Variants in GNA13 observed in about 807,000 individuals in gnomAD.
GNA13 encodes G protein subunit alpha 13, also known as guanine nucleotide-binding protein subunit alpha-13.
GNA13 carries 4 observed loss-of-function variants against 33.5 expected under a neutral mutation model. The ratio of observed to expected loss-of-function variants is 0.12; its 90% CI spans 0.06 to 0.27. The LOEUF (loss-of-function observed/expected upper bound fraction) is 0.27, where lower values mean the gene tolerates loss of function less well. Among genes scored for constraint, GNA13 ranks in the 10% least tolerant of loss-of-function variants. The pLI is 1.00. For synonymous variants in GNA13, 176 were observed against 183.8 expected (o/e 0.96, Z 0.34); for missense variants, 319 against 487.2 (o/e 0.65, Z 3.25).
intron 2 of GNA13, among the ~76,000 whole-genome samples, chr17:65,034,849 G>A (rs1369934538): frequency 6.6e-6 from 1 of 152,012 alleles, no homozygotes; most frequent in African/African-American, 2.4e-5. Context: ...GCAATGGCAC[G>A]ATCTCAGCTC....
chr17:65,034,012 CAAAAAAAAAAAA>C lies in GNA13; in HGVS notation c.511-15721_511-15710del, dbSNP rs780895691. Among the ~76,000 whole-genome samples the C allele has an allele frequency of 2.4e-4, 12 of 50,090 alleles. 1 individual carries two copies. The East Asian group carries it at 2.7e-3, about 11-fold the overall frequency. 32.9% of individuals were successfully genotyped at this position (50,090 alleles called of 152,430 possible). On this transcript the variant is annotated intron_variant, in intron 2 of 3. Transcript: ENST00000439174. ...TGGGCAACAGAGCAGGACTCCGTCT[CAAAAAAAAAAAA>C]AAAAAAAAAAAAAATCCAAAAGAAC...
chr17:65,056,543 G>A lies in GNA13; in HGVS notation c.51C>T (p.Gly17=), dbSNP rs1469980408. ...SRSVLSVCFP[G]CLLTSGEAEQ... is the part of the protein sequence containing the mutation. ...CGGCCTCGCCACTCGTCAGCAGGCAGCCGGGGAAGCACACGGACAGCACGG... is the reference window on the plus strand; with the variant it reads ...CGGCCTCGCCACTCGTCAGCAGGCAACCGGGGAAGCACACGGACAGCACGG... The change falls in exon 1 of 4, where the codon GGC becomes GGT. Residue 17 remains glycine (G), a synonymous_variant. Transcript: ENST00000439174. 4 of 1,612,638 alleles carry A rather than the reference G, an allele frequency of 2.5e-6. No individual in the cohort carries two copies. The highest frequency in any genetic ancestry group is 3.4e-6 in the Non-Finnish European group (4 of 1,179,778).
intron 2 of GNA13, among the ~76,000 whole-genome samples, chr17:65,025,665 C>T (rs1275241153): frequency 6.6e-6 from 1 of 151,980 alleles, no homozygotes; most frequent in Non-Finnish European, 1.5e-5. Flanking sequence ...GGTAAATAAG[C>T]AATTAAAAAT....
intron 2 of GNA13, among the ~76,000 whole-genome samples, chr17:65,025,991 C>T (rs892674342): frequency 6.6e-6 from 1 of 151,612 alleles, no homozygotes; most frequent in Non-Finnish European, 1.5e-5. Flanking sequence ...AAAAAAACTG[C>T]ACTATGATGA....
chr17:65,045,709 A>G (rs946764502), intron 2 of GNA13, among the ~76,000 whole-genome samples: 5 of 152,188 alleles, frequency 3.3e-5, no homozygotes, highest in Admixed American at 3.3e-4. Context: ...CGTTACTATA[A>G]TAAAGAAAGA....
chr17:65,043,895 G>A (rs544173839), intron 2 of GNA13, among the ~76,000 whole-genome samples: 1 of 152,238 alleles, frequency 6.6e-6, no homozygotes, highest in Non-Finnish European at 1.5e-5. Context: ...GCCAAGATGG[G>A]AGAATCATTT....
Position 65,018,260 on chromosome 17 carries a change from C to G in GNA13, c.554G>C (p.Gly185Ala), listed in dbSNP as rs1483165501. 7.2e-6 allele frequency: 11 copies of G among 1,520,796 alleles called. No individual in the cohort carries two copies. Among genetic ancestry groups the G allele is most frequent in the Non-Finnish European group, 1.0e-5 (11 of 1,095,298 alleles). 94.2% of individuals were successfully genotyped at this position (1,520,796 alleles called of 1,614,324 possible). A position where few individuals can be genotyped will look rare whatever the true frequency, so the allele number is the denominator to read the frequency against. Reference protein sequence around the residue: ...KYFLDNLDKLGEPDYIPSQQD... With the variant: ...KYFLDNLDKLAEPDYIPSQQD... ...TTTGGTTTAAACACTTACTGGTTCT[C>G]CAAGTTTATCCAAGTTATCCAGGAA... The change falls in exon 3 of 4, where the codon GGA (glycine) becomes GCA (alanine). Residue 185 changes from glycine (G) to alanine (A), a missense_variant. Transcript: ENST00000439174.
intron 2 of GNA13, among the ~76,000 whole-genome samples, chr17:65,031,643 A>G (rs1284080609): frequency 6.6e-6 from 1 of 152,222 alleles, no homozygotes; most frequent in Non-Finnish European, 1.5e-5. Context: ...TTATAATCCC[A>G]AAACAAATCC....
intron 1 of GNA13, 135 bp from the exon 2 acceptor site, chr17:65,053,863 C>G (rs566798924): frequency 6.6e-6 from 4 of 608,348 alleles, no homozygotes; most frequent in African/African-American, 5.5e-5. Flanking sequence ...AGACCAACAT[C>G]GAAAACAAAT....
Position 65,052,004 on chromosome 17 carries a change from G to A in GNA13, c.510+1498C>T, listed in dbSNP as rs781284533. ...GGTGTCAGTTTTATAAAAAGCTATCGTGAACACTTTCCTGGAACTTTTAAA... is the reference window on the plus strand; with the variant it reads ...GGTGTCAGTTTTATAAAAAGCTATCATGAACACTTTCCTGGAACTTTTAAA... On this transcript the variant is annotated intron_variant, in intron 2 of 3. Coordinates refer to ENST00000439174, the MANE Select transcript of GNA13 (RefSeq NM_006572.6). 5 of 152,334 alleles carry A rather than the reference G, an allele frequency of 3.3e-5. 1 individual carries two copies. The highest frequency in any genetic ancestry group is 4.1e-4 in the South Asian group (2 of 4,826). 9.4% of individuals were successfully genotyped at this position (152,334 alleles called of 1,614,324 possible).
chr17:65,011,340 G>A lies in GNA13; in HGVS notation c.*2917C>T, dbSNP rs1906181405. On this transcript the variant is annotated 3_prime_UTR_variant, in exon 4 of 4. Coordinates refer to ENST00000439174, the MANE Select transcript of GNA13 (RefSeq NM_006572.6). ...AAAAGAAAATAAGACAAAAGTGAAT[G>A]AGTTTTTTCATTCCATATTGCTTTC... 1 of 196,928 alleles carries A rather than the reference G, an allele frequency of 5.1e-6. No homozygotes were observed. The highest frequency in any genetic ancestry group is 2.3e-5 in the African/African-American group (1 of 43,282). The allele number at this position is 196,928 out of a possible 1,614,324, so 12.2% of individuals were successfully genotyped here.
At chr17:65,023,251 T>C (rs916064190) in intron 2 of GNA13, among the ~76,000 whole-genome samples, 3 of 152,240 alleles carry the variant, frequency 2.0e-5, no homozygotes, top group Non-Finnish European at 4.4e-5. Flanking sequence ...AGCATGTACC[T>C]TGTGGGAAAC....
At chr17:65,038,402 CAAAA>C (rs78958162) in intron 2 of GNA13, among the ~76,000 whole-genome samples, 183 of 147,830 alleles carry the variant, frequency 1.2e-3, no homozygotes, top group Non-Finnish European at 2.1e-3. Context: ...GACACCATCT[CAAAA>C]AAAAAAAAAA....
At position 65,056,651 on chromosome 17, in the gene GNA13, C is replaced by A; in HGVS notation, c.-58G>T. The A allele has an allele frequency of 7.1e-7, 1 of 1,417,560 alleles. No individual in the cohort carries two copies. The highest frequency in any genetic ancestry group is 9.4e-7 in the Non-Finnish European group (1 of 1,061,524). 87.8% of individuals were successfully genotyped at this position (1,417,560 alleles called of 1,614,324 possible). On this transcript the variant is annotated 5_prime_UTR_variant, in exon 1 of 4. Transcript: ENST00000439174. ...CTCCGGCTCCCTCCACCTCCTCCTC[C>A]GGCGGCGGGCGGCTCCGGCACCGAG... is the stretch of plus-strand genomic sequence containing the variant.
intron 3 of GNA13, among the ~76,000 whole-genome samples, chr17:65,015,829 G>GCTATATTACATGTGTGAAAAATC (rs1196321389): frequency 7.2e-5 from 11 of 152,176 alleles, no homozygotes; most frequent in Middle Eastern, 3.4e-3. Flanking sequence ...TTTCATTGCT[G>GCTATATTACATGTGTGAAAAATC]CTATATTACA....
intron 2 of GNA13, among the ~76,000 whole-genome samples, chr17:65,042,251 G>A (rs947053590): frequency 8.6e-5 from 13 of 151,668 alleles, no homozygotes; most frequent in African/African-American, 2.7e-4. Flanking sequence ...CCAGCTACTC[G>A]GGAGCCTGAG....
Position 65,056,704 on chromosome 17 carries a change from C to G in GNA13, c.-111G>C, listed in dbSNP as rs1474395729. ...TCGAGGGCGGGGAGCGCGGCGGCGG[C>G]CCGAGCGCGCCCAGGGAGGGAGGGA... On this transcript the variant is annotated 5_prime_UTR_variant, in exon 1 of 4. Transcript: ENST00000439174. 1 of 700,718 alleles carries G rather than the reference C, an allele frequency of 1.4e-6. No homozygotes were observed. Among genetic ancestry groups the G allele is most frequent in the African/African-American group, 1.9e-5 (1 of 52,472 alleles). 43.4% of individuals were successfully genotyped at this position (700,718 alleles called of 1,614,324 possible). A position where few individuals can be genotyped will look rare whatever the true frequency, so the allele number is the denominator to read the frequency against.
intron 2 of GNA13, among the ~76,000 whole-genome samples, chr17:65,044,014 C>T (rs1010396917): frequency 1.3e-5 from 2 of 152,020 alleles, no homozygotes; most frequent in African/African-American, 4.8e-5. Flanking sequence ...CTCAGCTACT[C>T]GGGAGATTGA....
At chr17:65,023,435 G>T (rs1906661609) in intron 2 of GNA13, among the ~76,000 whole-genome samples, 1 of 152,166 alleles carries the variant, frequency 6.6e-6, no homozygotes. Context: ...CTGAGCACAG[G>T]GATGGAACTG....
Sources: allele counts gnomAD v4.1 joint callset (sites outside exome capture counted in the v4.1 genomes callset), GRCh38; gene constraint gnomAD v4.1.1; transcripts MANE v1.5; gene names NCBI Gene and HGNC (gene_info 2026-07-23, HGNC 2026-07-21).